Variants in CHD6 observed in about 807,000 individuals in gnomAD.
CHD6 encodes the protein chromodomain helicase DNA binding protein 6, also known as ATP-dependent chromatin remodeler CHD6.
In CHD6, 50 loss-of-function variants were observed where a neutral mutation model predicts 276.9. The observed-to-expected ratio is 0.18, with a 90% CI of 0.14 to 0.23. The LOEUF is 0.23. Ranked by LOEUF, CHD6 falls within the 10% of genes least tolerant of loss-of-function variation. CHD6 has a pLI of 1.00. For synonymous variants in CHD6, 1,173 were observed against 1,229.3 expected, an observed-to-expected ratio of 0.95 and a Z score of 0.96; for missense variants, 2,564 against 3,365.8, an observed-to-expected ratio of 0.76 and a Z score of 5.89.
In CHD6 at chr20:41,440,080, C is replaced by T. The variant is rs1194284948; in HGVS notation, c.3927G>A (p.Leu1309=). ...AMRADPALCF[L]EKVGMPDEKS... is the part of the protein sequence containing the mutation. ...TCTCATCGGGCATCCCAACTTTCTCCAGGAAGCAAAGTGCTGGGTCTGCTC... is the reference window on the plus strand; with the variant it reads ...TCTCATCGGGCATCCCAACTTTCTCTAGGAAGCAAAGTGCTGGGTCTGCTC... The change falls in exon 26 of 37, where the codon CTG becomes CTA. Residue 1309 remains leucine, a synonymous_variant. Coordinates refer to ENST00000373233, the MANE Select transcript of CHD6 (RefSeq NM_032221.5). 1.2e-6 allele frequency: 2 copies of T among 1,613,934 alleles called. No homozygotes were observed. Among genetic ancestry groups the T allele is most frequent in the Non-Finnish European group, 1.7e-6 (2 of 1,179,944 alleles).
At chr20:41,447,115 G>A (rs1426913432) in intron 24 of CHD6, among the ~76,000 whole-genome samples, 8 of 152,158 alleles carry the variant, frequency 5.3e-5, no homozygotes, top group Admixed American at 2.0e-4. Flanking sequence ...CCCATGGGTC[G>A]GGTTGTCTAT....
At chr20:41,518,367 A>G (rs970715624) in intron 3 of CHD6, among the ~76,000 whole-genome samples, 1 of 152,214 alleles carries the variant, frequency 6.6e-6, no homozygotes, top group African/African-American at 2.4e-5. Context: ...ACCAAGCCCA[A>G]ATCATAACTA....
chr20:41,449,155 G>A (rs1419671215), intron 23 of CHD6, among the ~76,000 whole-genome samples: 6 of 152,102 alleles, frequency 3.9e-5, no homozygotes, highest in Non-Finnish European at 8.8e-5. Context: ...CACCCGCCCC[G>A]GCCTCCCAAA....
intron 11 of CHD6, among the ~76,000 whole-genome samples, chr20:41,490,257 C>T (rs1047819602): frequency 3.9e-5 from 6 of 152,116 alleles, no homozygotes; most frequent in Admixed American, 2.0e-4. Context: ...AGGATGGGGT[C>T]ACACTCCGAG....
At chr20:41,533,596 A>C in intron 2 of CHD6, 26 bp from the exon 3 acceptor site, 1 of 1,556,672 alleles carries the variant, frequency 6.4e-7, no homozygotes, top group Non-Finnish European at 8.6e-7. Flanking sequence ...AAACAAGCAT[A>C]TTACCCTTCC....
chr20:41,413,249 C>A (rs1171370390), intron 35 of CHD6, 75 bp downstream of exon 35: 1 of 1,268,410 alleles, frequency 7.9e-7, no homozygotes, highest in Non-Finnish European at 1.1e-6. Flanking sequence ...TTGCCCTCAG[C>A]ATGCTTTCAT....
intron 27 of CHD6, among the ~76,000 whole-genome samples, chr20:41,434,063 T>C (rs1416890283): frequency 1.3e-5 from 2 of 152,200 alleles, no homozygotes; most frequent in African/African-American, 4.8e-5. Flanking sequence ...GCTTAAGCTT[T>C]AATGTATCAA....
At chr20:41,435,942 A>C (rs1846799917) in intron 27 of CHD6, among the ~76,000 whole-genome samples, 1 of 152,228 alleles carries the variant, frequency 6.6e-6, no homozygotes. Context: ...CAGAGAACTC[A>C]GAAATAGAAC....
Position 41,489,072 on chromosome 20 carries a change from T to G in CHD6, c.1681-468A>C, listed in dbSNP as rs548415316. ...ATTCTGATGCACCTAAGACAAGCGC[T>G]ACTAGGCAGGACACAGCTTTGTTTT... On this transcript the variant is annotated intron_variant, in intron 12 of 36. Transcript: ENST00000373233. Among the ~76,000 whole-genome samples, 3 of 152,262 alleles carry G rather than the reference T, an allele frequency of 2.0e-5. No individual in the cohort carries two copies. In the South Asian group the frequency reaches 6.2e-4, roughly 32 times the overall value.
intron 27 of CHD6, among the ~76,000 whole-genome samples, chr20:41,430,031 G>A (rs2047486147): frequency 6.6e-6 from 1 of 152,226 alleles, no homozygotes; most frequent in Non-Finnish European, 1.5e-5. Context: ...GACAGAGCTG[G>A]GAGAAAGAAA....
chr20:41,618,125 G>A (rs903092961), intron 1 of CHD6, among the ~76,000 whole-genome samples: 2 of 149,616 alleles, frequency 1.3e-5, no homozygotes, highest in African/African-American at 2.4e-5. Context: ...CTCTCCCCAG[G>A]CCGCAGGCCG....
At chr20:41,445,564 TAG>T (rs2048039594) in intron 25 of CHD6, 99 bp downstream of exon 25, 3 of 694,202 alleles carry the variant, frequency 4.3e-6, no homozygotes, top group Non-Finnish European at 5.1e-6. Flanking sequence ...AACAGAATGA[TAG>T]AGTTTTGCAG....
At chr20:41,455,184 CACTGA>C (rs1250158266) in intron 19 of CHD6, among the ~76,000 whole-genome samples, 2 of 152,200 alleles carry the variant, frequency 1.3e-5, no homozygotes, top group African/African-American at 4.8e-5. Flanking sequence ...CCTTATAAAA[CACTGA>C]ACGTCCCACT....
intron 26 of CHD6, among the ~76,000 whole-genome samples, chr20:41,437,955 T>A (rs1001565418): frequency 6.6e-6 from 1 of 152,170 alleles, no homozygotes; most frequent in African/African-American, 2.4e-5. Context: ...CAGCCTCACG[T>A]CTACTCAGGC....
rs2045168498 is a variant in CHD6, at chr20:41,552,977, T to C, written c.-23-1617A>G. On this transcript the variant is annotated intron_variant, in intron 1 of 36. Coordinates refer to ENST00000373233, the MANE Select transcript of CHD6 (RefSeq NM_032221.5). ...ATAGGACAGTTATTTACCTGAAGAA[T>C]CCATAAATTCCAGATAAATGGTAAG... Among the ~76,000 whole-genome samples, 4 of 152,286 alleles carry C rather than the reference T, an allele frequency of 2.6e-5. No individual in the cohort carries two copies. In the South Asian group the frequency reaches 6.2e-4, roughly 24 times the overall value.
At chr20:41,595,910 G>A (rs758065917) in intron 1 of CHD6, among the ~76,000 whole-genome samples, 12 of 151,944 alleles carry the variant, frequency 7.9e-5, no homozygotes, top group Non-Finnish European at 1.6e-4. Context: ...TATGCCCTGT[G>A]CTGGCGGCAG....
chr20:41,605,794 T>C (rs1347012839), intron 1 of CHD6, among the ~76,000 whole-genome samples: 1 of 152,196 alleles, frequency 6.6e-6, no homozygotes, highest in African/African-American at 2.4e-5. Context: ...CTACTTTCAT[T>C]CCTAAAGAAG....
rs146930656 is a variant in CHD6 at position 41,533,153 on chromosome 20, C to T, written c.451G>A (p.Ala151Thr). 510 of 1,614,028 alleles carry T rather than the reference C, an allele frequency of 3.2e-4. No individual in the cohort carries two copies. Among genetic ancestry groups the T allele is most frequent in the Middle Eastern group, 1.3e-3 (8 of 6,040 alleles). The change falls in exon 3 of 37, where the codon GCA (alanine) becomes ACA (threonine). Residue 151 changes from alanine (A) to threonine (T), a missense_variant. Coordinates refer to ENST00000373233, the MANE Select transcript of CHD6 (RefSeq NM_032221.5). Reference protein sequence around the residue: ...EHKEPKQKDGAKKARKPREAS... With the variant: ...EHKEPKQKDGTKKARKPREAS... ...TCCCGGGGCTTCCGTGCCTTCTTTG[C>T]CCCATCTTTTTGCTTCGGCTCCTTG...
chr20:41,440,713 G>T (rs550621684), intron 25 of CHD6, among the ~76,000 whole-genome samples: 4 of 152,080 alleles, frequency 2.6e-5, no homozygotes, highest in African/African-American at 4.8e-5. Flanking sequence ...CCCAGAAGAG[G>T]GGCCTCAAAA....
Sources: allele counts gnomAD v4.1 joint callset (sites outside exome capture counted in the v4.1 genomes callset), GRCh38; gene constraint gnomAD v4.1.1; transcripts MANE v1.5; gene names NCBI Gene and HGNC (gene_info 2026-07-23, HGNC 2026-07-21).